Variants in CLSTN2 observed in about 807,000 individuals in gnomAD.
CLSTN2 encodes the protein calsyntenin 2, also known as calsyntenin-2.
CLSTN2 carries 48 observed loss-of-function variants against 101.2 expected under a neutral mutation model. That is an observed-to-expected ratio of 0.47 (90% CI 0.38 to 0.60). CLSTN2 has a LOEUF of 0.60. Ranked by LOEUF, CLSTN2 falls within the 20% of genes least tolerant of loss-of-function variation. The probability of loss-of-function intolerance (pLI) is 0.00; values close to 1 mark genes in which losing one functional copy is unlikely to be tolerated. For synonymous variants in CLSTN2, 481 were observed against 463.6 expected (o/e 1.04, Z -0.48); for missense variants, 1,160 against 1,238.2 (o/e 0.94, Z 0.95).
intron 1 of CLSTN2, among the ~76,000 whole-genome samples, chr3:140,057,805 TTA>T (rs1235679700): frequency 6.6e-6 from 1 of 152,206 alleles, no homozygotes; most frequent in Non-Finnish European, 1.5e-5. Flanking sequence ...TCACAACTAA[TTA>T]TCAGAATCTG....
At chr3:140,361,944 C>T (rs916985500) in intron 2 of CLSTN2, among the ~76,000 whole-genome samples, 4 of 152,106 alleles carry the variant, frequency 2.6e-5, no homozygotes, top group African/African-American at 9.7e-5. Context: ...TACCAAAATT[C>T]CGGTAGGCTT....
At chr3:140,351,775 T>C (rs981301018) in intron 2 of CLSTN2, among the ~76,000 whole-genome samples, 30 of 147,590 alleles carry the variant, frequency 2.0e-4, no homozygotes, top group African/African-American at 7.5e-4. Context: ...TGAAAACTTA[T>C]ATTCAGGTTT....
chr3:140,261,093 T>C (rs988785893), intron 2 of CLSTN2, among the ~76,000 whole-genome samples: 5 of 152,206 alleles, frequency 3.3e-5, no homozygotes, highest in Admixed American at 3.3e-4. Flanking sequence ...GTTACTCATT[T>C]TTCCCTGCCC....
intron 1 of CLSTN2, among the ~76,000 whole-genome samples, chr3:140,148,061 G>T (rs994690421): frequency 1.3e-5 from 2 of 152,186 alleles, no homozygotes; most frequent in African/African-American, 2.4e-5. Flanking sequence ...AAATGGAAAG[G>T]GTGGAAAGGG....
At chr3:140,310,912 T>C (rs758353604) in intron 2 of CLSTN2, among the ~76,000 whole-genome samples, 1 of 152,222 alleles carries the variant, frequency 6.6e-6, no homozygotes, top group Non-Finnish European at 1.5e-5. Flanking sequence ...GCCTCTGTGT[T>C]AGGTGCTGCA....
intron 2 of CLSTN2, among the ~76,000 whole-genome samples, chr3:140,295,682 A>C (rs934197926): frequency 2.6e-5 from 4 of 152,230 alleles, no homozygotes; most frequent in Non-Finnish European, 5.9e-5. Flanking sequence ...AGATAAGTAC[A>C]AATACATTAT....
intron 2 of CLSTN2, among the ~76,000 whole-genome samples, chr3:140,319,018 G>A (rs2087257865): frequency 6.6e-6 from 1 of 152,092 alleles, no homozygotes; most frequent in Non-Finnish European, 1.5e-5. Context: ...TTTGGACTCT[G>A]GAGTTAAATT....
At chr3:140,284,724 A>T (rs2086880506) in intron 2 of CLSTN2, among the ~76,000 whole-genome samples, 1 of 152,096 alleles carries the variant, frequency 6.6e-6, no homozygotes. Flanking sequence ...ACATTTGTCT[A>T]TGTGAAGACT....
chr3:140,423,318 C>T (rs1168546454), intron 5 of CLSTN2, among the ~76,000 whole-genome samples: 14 of 152,288 alleles, frequency 9.2e-5, no homozygotes, highest in African/African-American at 2.6e-4. Context: ...TGGGCAAGGC[C>T]GGTGCCCATC....
chr3:139,942,306 C>T (rs1935144775), intron 1 of CLSTN2, among the ~76,000 whole-genome samples: 1 of 152,178 alleles, frequency 6.6e-6, no homozygotes, highest in African/African-American at 2.4e-5. Context: ...TCCTCACCTC[C>T]TGTCATGCTT....
intron 1 of CLSTN2, among the ~76,000 whole-genome samples, chr3:140,098,152 G>A (rs972493455): frequency 1.5e-4 from 23 of 152,094 alleles, no homozygotes; most frequent in African/African-American, 5.3e-4. Flanking sequence ...ATGCAAGCAG[G>A]AGAGCTAATT....
intron 2 of CLSTN2, among the ~76,000 whole-genome samples, chr3:140,224,818 A>G (rs1264827180): frequency 1.3e-5 from 2 of 152,230 alleles, no homozygotes; most frequent in East Asian, 3.8e-4. Flanking sequence ...AATTCCTATT[A>G]GACTCCCATT....
intron 2 of CLSTN2, among the ~76,000 whole-genome samples, chr3:140,314,122 A>G (rs2087204800): frequency 2.0e-5 from 3 of 152,214 alleles, no homozygotes; most frequent in Admixed American, 2.0e-4. Flanking sequence ...TGCAATCATC[A>G]CAACAATCCC....
intron 2 of CLSTN2, among the ~76,000 whole-genome samples, chr3:140,238,533 A>G (rs1428106414): frequency 1.3e-5 from 2 of 152,176 alleles, no homozygotes; most frequent in Non-Finnish European, 2.9e-5. Context: ...CTCGTTTTAT[A>G]ATTGGTAATC....
intron 2 of CLSTN2, among the ~76,000 whole-genome samples, chr3:140,230,373 G>C (rs1184711295): frequency 1.3e-5 from 2 of 152,244 alleles, no homozygotes; most frequent in Non-Finnish European, 1.5e-5. Flanking sequence ...ACTAAAGCTA[G>C]TCTAGTGCTT....
At chr3:140,081,306 A>T (rs60260333) in intron 1 of CLSTN2, among the ~76,000 whole-genome samples, 14,281 of 152,248 alleles carry the variant, frequency 0.094, 1,001 homozygotes, top group African/African-American at 0.2. Context: ...ATTGACAGCA[A>T]TGGAAAGTTT....
intron 1 of CLSTN2, among the ~76,000 whole-genome samples, chr3:140,169,352 A>C (rs1232946873): frequency 6.6e-6 from 1 of 152,050 alleles, no homozygotes; most frequent in Non-Finnish European, 1.5e-5. Context: ...TGACCTTCCT[A>C]AACTCTTATT....
At chr3:140,137,660 A>T (rs1028178810) in intron 1 of CLSTN2, among the ~76,000 whole-genome samples, 2 of 152,176 alleles carry the variant, frequency 1.3e-5, no homozygotes, top group Non-Finnish European at 2.9e-5. Flanking sequence ...AAACGCAATA[A>T]TAGTAACTGT....
At chr3:140,217,050 T>C (rs889864577) in intron 2 of CLSTN2, among the ~76,000 whole-genome samples, 1 of 152,146 alleles carries the variant, frequency 6.6e-6, no homozygotes, top group Non-Finnish European at 1.5e-5. Context: ...GCTGAAATGA[T>C]CAGGGTACAA....
Sources: allele counts gnomAD v4.1 joint callset (sites outside exome capture counted in the v4.1 genomes callset), GRCh38; gene constraint gnomAD v4.1.1; transcripts MANE v1.5; gene names NCBI Gene and HGNC (gene_info 2026-07-23, HGNC 2026-07-21).